SNX29: variants seen among roughly 807,000 people sequenced by gnomAD.
SNX29 encodes sorting nexin-29.
Under a neutral mutation model 102.1 loss-of-function variants are expected in SNX29, and 78 were observed. That is an observed-to-expected ratio of 0.76 (90% confidence interval 0.64 to 0.92). The LOEUF (loss-of-function observed/expected upper bound fraction) is 0.92. SNX29 is among the 40% of genes least tolerant of loss of function. The probability of loss-of-function intolerance (pLI) is 0.00; values close to 1 mark genes in which losing one functional copy is unlikely to be tolerated. For missense variants in SNX29, 1,280 were observed against 1,061.7 expected (o/e 1.21, Z -2.86); for synonymous variants, 580 against 414.5 (o/e 1.40, Z -4.85).
At chr16:12,126,583 G>A (rs1437794403) in intron 11 of SNX29, 50 bp from the exon 12 acceptor site, 7 of 1,586,866 alleles carry the variant, frequency 4.4e-6, no homozygotes, top group Non-Finnish European at 6.0e-6. Context: ...AGGGCATGCT[G>A]TAACAGGCAA....
chr16:12,333,234 T>C (rs547608759), intron 15 of SNX29, among the ~76,000 whole-genome samples: 1 of 151,502 alleles, frequency 6.6e-6, no homozygotes, highest in African/African-American at 2.4e-5. Context: ...GCCTCCCAAG[T>C]AACTGGGACT....
At chr16:12,459,889 A>C (rs1849340310) in intron 18 of SNX29, among the ~76,000 whole-genome samples, 1 of 152,210 alleles carries the variant, frequency 6.6e-6, no homozygotes, top group Non-Finnish European at 1.5e-5. Flanking sequence ...CTGGTAATCA[A>C]AGAGTCTGTG....
At chr16:12,019,796 C>T (rs1196875362) in intron 3 of SNX29, among the ~76,000 whole-genome samples, 1 of 151,804 alleles carries the variant, frequency 6.6e-6, no homozygotes. Flanking sequence ...ACCACCACAC[C>T]CGACTTTTTT....
intron 14 of SNX29, among the ~76,000 whole-genome samples, chr16:12,233,635 C>T (rs2077836830): frequency 6.6e-6 from 1 of 152,218 alleles, no homozygotes; most frequent in South Asian, 2.1e-4. Context: ...ATATAATTCA[C>T]ATGCCATACA....
At chr16:12,461,747 G>A (rs548941627) in intron 18 of SNX29, among the ~76,000 whole-genome samples, 4 of 151,074 alleles carry the variant, frequency 2.6e-5, no homozygotes, top group Non-Finnish European at 5.9e-5. Context: ...ACTTGAGGTC[G>A]GAAGTTCAAG....
At chr16:12,169,275 C>A (rs2076089893) in intron 13 of SNX29, among the ~76,000 whole-genome samples, 1 of 152,166 alleles carries the variant, frequency 6.6e-6, no homozygotes, top group African/African-American at 2.4e-5. Context: ...AGGGAGGGTG[C>A]CCTGTAGGCT....
rs1189885503 is a variant in SNX29 at position 12,573,807 on chromosome 16, G to A, written c.*5178G>A. 1.4e-5 allele frequency: 3 copies of A among 219,748 alleles called. No individual in the cohort carries two copies. Among genetic ancestry groups the A allele is most frequent in the Admixed American group, 1.2e-4 (2 of 17,374 alleles). The allele number at this position is 219,748 out of a possible 1,614,324, so 13.6% of individuals were successfully genotyped here. A position where few individuals can be genotyped will look rare whatever the true frequency, so the allele number is the denominator to read the frequency against. The stretch of plus-strand genomic sequence containing the variant: ...AATTTCCCGGAGTGAAGGGGATGGG[G>A]GTAGAGCTAATTGGAATTTTTATTA... On this transcript the variant is annotated 3_prime_UTR_variant, in exon 21 of 21. Transcript: ENST00000566228.
chr16:12,209,084 G>A (rs959324873), intron 14 of SNX29, among the ~76,000 whole-genome samples: 1 of 152,126 alleles, frequency 6.6e-6, no homozygotes. Context: ...GAAAATCTCG[G>A]TTTACTAATG....
intron 19 of SNX29, among the ~76,000 whole-genome samples, chr16:12,524,144 G>A (rs1365003940): frequency 3.3e-5 from 5 of 152,144 alleles, no homozygotes; most frequent in Non-Finnish European, 5.9e-5. Context: ...CGTCTGCATC[G>A]TGGCCCACGC....
chr16:12,384,519 T>G (rs2083282411), intron 16 of SNX29, among the ~76,000 whole-genome samples: 1 of 152,270 alleles, frequency 6.6e-6, no homozygotes, highest in Non-Finnish European at 1.5e-5. Context: ...TGTCTACTTT[T>G]GAGAAATGTC....
At chr16:12,429,445 G>A (rs1446765467) in intron 18 of SNX29, among the ~76,000 whole-genome samples, 3 of 152,150 alleles carry the variant, frequency 2.0e-5, no homozygotes, top group African/African-American at 7.2e-5. Flanking sequence ...CTAAGAGACA[G>A]TGTCTCATTC....
At chr16:12,064,694 A>G (rs902342585) in intron 9 of SNX29, among the ~76,000 whole-genome samples, 1 of 152,172 alleles carries the variant, frequency 6.6e-6, no homozygotes, top group Admixed American at 6.5e-5. Flanking sequence ...AGGTTGCATC[A>G]AGTCCCTTCT....
At chr16:12,320,057 T>C (rs754372023) in intron 15 of SNX29, among the ~76,000 whole-genome samples, 31 of 152,256 alleles carry the variant, frequency 2.0e-4, no homozygotes, top group Non-Finnish European at 2.4e-4. Flanking sequence ...CTGCCACCTC[T>C]CTGCAGTCAC....
intron 13 of SNX29, among the ~76,000 whole-genome samples, chr16:12,132,602 C>T (rs2054509572): frequency 6.6e-6 from 1 of 152,186 alleles, no homozygotes; most frequent in African/African-American, 2.4e-5. Flanking sequence ...TGGCAGTGGA[C>T]ATGAGTGAGG....
chr16:12,518,950 C>T (rs2089985365), intron 19 of SNX29, among the ~76,000 whole-genome samples: 1 of 152,150 alleles, frequency 6.6e-6, no homozygotes, highest in Non-Finnish European at 1.5e-5. Context: ...TTTCTGGGGC[C>T]TCGGCTGGTC....
chr16:12,364,318 G>A (rs973296690), intron 16 of SNX29, among the ~76,000 whole-genome samples: 6 of 152,070 alleles, frequency 3.9e-5, no homozygotes, highest in Non-Finnish European at 7.4e-5. Flanking sequence ...TGGGATTATA[G>A]GTGTGAGCCA....
rs2079168786 is a variant in SNX29, at chr16:12,570,686, C to T, written c.*2057C>T. 4.3e-6 allele frequency: 1 copy of T among 232,094 alleles called. No homozygotes were observed. Among genetic ancestry groups the T allele is most frequent in the Non-Finnish European group, 8.5e-6 (1 of 117,342 alleles). 14.4% of individuals were successfully genotyped at this position (232,094 alleles called of 1,614,324 possible). On this transcript the variant is annotated 3_prime_UTR_variant, in exon 21 of 21. Coordinates refer to ENST00000566228, the MANE Select transcript of SNX29 (RefSeq NM_032167.5). ...CCCAGGCTTATGACCTGCACCTTTTCTGACACCTGCCCCCAAAGCACAGGA... is the reference window on the plus strand; with the variant it reads ...CCCAGGCTTATGACCTGCACCTTTTTTGACACCTGCCCCCAAAGCACAGGA...
At chr16:12,322,327 C>G (rs1226596368) in intron 15 of SNX29, among the ~76,000 whole-genome samples, 1 of 152,102 alleles carries the variant, frequency 6.6e-6, no homozygotes, top group African/African-American at 2.4e-5. Flanking sequence ...AAATCAGGGG[C>G]TATCGCAAGA....
At chr16:12,288,976 C>G (rs1365534393) in intron 15 of SNX29, among the ~76,000 whole-genome samples, 1 of 152,224 alleles carries the variant, frequency 6.6e-6, no homozygotes, top group East Asian at 1.9e-4. Context: ...TCAGGCCTGC[C>G]TTGCCTACTA....
Sources: allele counts gnomAD v4.1 joint callset (sites outside exome capture counted in the v4.1 genomes callset), GRCh38; gene constraint gnomAD v4.1.1; transcripts MANE v1.5; gene names NCBI Gene and HGNC (gene_info 2026-07-23, HGNC 2026-07-21).